Variants in WDR88 observed in about 807,000 individuals in gnomAD.
WDR88 encodes WD repeat domain 88.
In WDR88, 40 loss-of-function variants were observed where a neutral mutation model predicts 46.8. The observed-to-expected ratio is 0.86, with a 90% confidence interval of 0.66 to 1.11. WDR88 has a LOEUF of 1.11. WDR88 is among the 50% of genes most tolerant of loss of function. The pLI is 0.00. For missense variants in WDR88, 562 were observed against 602.4 expected (o/e 0.93, Z 0.70); for synonymous variants, 235 against 240.7 (o/e 0.98, Z 0.22).
intron 10 of WDR88, chr19:33,175,008 G>GT (rs1285558016): frequency 2.9e-5 from 29 of 985,358 alleles, no homozygotes; most frequent in Non-Finnish European, 3.3e-5. Context: ...GCCAAGGTGG[G>GT]TGGATCACTT....
intron 4 of WDR88, among the ~76,000 whole-genome samples, chr19:33,148,010 A>T (rs1301564884): frequency 6.6e-6 from 1 of 151,640 alleles, no homozygotes; most frequent in Non-Finnish European, 1.5e-5. Context: ...AGAAGCCAGA[A>T]TTGGGGGTGG....
chr19:33,159,825 TTAC>T (rs1952877542), intron 7 of WDR88, among the ~76,000 whole-genome samples: 1 of 152,098 alleles, frequency 6.6e-6, no homozygotes, highest in Admixed American at 6.6e-5. Flanking sequence ...TTTATTATTA[TTAC>T]ATTGTAATAT....
rs1973135080 is a variant in WDR88 at position 33,132,117 on chromosome 19, G to A, written c.-53G>A. On this transcript the variant is annotated 5_prime_UTR_variant, in exon 1 of 11. Transcript: ENST00000355868. ...GCGGGCGCGGGCGCGGGCGCGCGGCGCCACCGTTCCCATCCAGGCTTGTCG... is the reference window on the plus strand; with the variant it reads ...GCGGGCGCGGGCGCGGGCGCGCGGCACCACCGTTCCCATCCAGGCTTGTCG... The A allele has an allele frequency of 2.7e-6, 4 of 1,484,758 alleles. No individual in the cohort carries two copies. The highest frequency in any genetic ancestry group is 1.8e-6 in the Non-Finnish European group (2 of 1,123,676). 92.0% of individuals were successfully genotyped at this position (1,484,758 alleles called of 1,614,324 possible).
At chr19:33,164,378 G>C in intron 9 of WDR88, 113 bp downstream of exon 9, 1 of 927,320 alleles carries the variant, frequency 1.1e-6, no homozygotes, top group East Asian at 2.5e-5. Context: ...GTACCTGACC[G>C]GGCCATCGTG....
At position 33,149,890 on chromosome 19, in the gene WDR88, C is replaced by A. The variant is rs1973598069; in HGVS notation, c.679+980C>A. Among the ~76,000 whole-genome samples the A allele has an allele frequency of 2.6e-5, 4 of 151,996 alleles. No homozygotes were observed. The South Asian group carries it at 8.3e-4, about 32-fold the overall frequency. On this transcript the variant is annotated intron_variant, in intron 5 of 10. Transcript: ENST00000355868. The stretch of plus-strand genomic sequence containing the variant: ...GGGCAGGCTGGTCTCGAGCTCCTGA[C>A]CTCAGGTGATCTGCCCGCCTTGGTC...
intron 10 of WDR88, chr19:33,174,711 C>T (rs1262827957): frequency 1.0e-6 from 1 of 985,292 alleles, no homozygotes; most frequent in Non-Finnish European, 1.2e-6. Flanking sequence ...CTCTTAGTCC[C>T]ACAATTTTAC....
intron 8 of WDR88, among the ~76,000 whole-genome samples, chr19:33,162,892 A>T (rs1457922216): frequency 1.3e-5 from 2 of 151,660 alleles, no homozygotes; most frequent in Non-Finnish European, 2.9e-5. Context: ...AAATAAAAAT[A>T]ACTAAATAAA....
chr19:33,139,510 G>A (rs111358126), intron 2 of WDR88, among the ~76,000 whole-genome samples: 215 of 152,258 alleles, frequency 1.4e-3, no homozygotes, highest in Admixed American at 1.8e-3. Flanking sequence ...TTTGGGTAAC[G>A]GGGAAGAGGA....
chr19:33,174,410 C>T (rs1974091226), intron 10 of WDR88: 8 of 1,394,658 alleles, frequency 5.7e-6, no homozygotes, highest in Non-Finnish European at 7.5e-6. Flanking sequence ...AGGCTCTTCT[C>T]CAGGGGACCA....
At chr19:33,142,746 AC>A (rs1304998299) in intron 2 of WDR88, 3 of 149,604 alleles carry the variant, frequency 2.0e-5, no homozygotes, top group African/African-American at 7.4e-5. Context: ...AGTGGCTCAC[AC>A]CTGTAATCCC....
chr19:33,153,007 T>C (rs1973664866), intron 6 of WDR88, among the ~76,000 whole-genome samples: 1 of 152,122 alleles, frequency 6.6e-6, no homozygotes, highest in Non-Finnish European at 1.5e-5. Flanking sequence ...AATGCTGCTA[T>C]GAACACATGT....
intron 8 of WDR88, 48 bp from the exon 9 acceptor site, chr19:33,164,149 T>C (rs895864597): frequency 2.5e-6 from 4 of 1,579,934 alleles, no homozygotes; most frequent in East Asian, 2.2e-5. Context: ...TGTTGTTCTT[T>C]CAAAATTATT....
At chr19:33,174,309 C>A in intron 10 of WDR88, 5 of 1,523,220 alleles carry the variant, frequency 3.3e-6, no homozygotes, top group South Asian at 1.2e-5. Context: ...AGGGTTTACC[C>A]CCCTCTCCAG....
At chr19:33,171,523 T>C (rs563283712) in intron 9 of WDR88, among the ~76,000 whole-genome samples, 25 of 152,250 alleles carry the variant, frequency 1.6e-4, no homozygotes, top group African/African-American at 4.8e-4. Context: ...CATTTTTTTA[T>C]TGCTGCTATA....
intron 1 of WDR88, among the ~76,000 whole-genome samples, chr19:33,132,981 G>A (rs1004075418): frequency 1.3e-5 from 2 of 151,948 alleles, no homozygotes; most frequent in Non-Finnish European, 2.9e-5. Flanking sequence ...GCAACATAGT[G>A]AGAGGTCGTC....
At position 33,137,697 on chromosome 19, in the gene WDR88, T is replaced by C. The variant is rs1206564433; in HGVS notation, c.297T>C (p.Ser99=). 7 of 1,613,778 alleles carry C rather than the reference T, an allele frequency of 4.3e-6. No individual in the cohort carries two copies. The South Asian group carries it at 6.6e-5, about 15-fold the overall frequency. Residue 99 remains serine (S), a synonymous_variant, in exon 2 of 11, where the codon AGT becomes AGC. Coordinates refer to ENST00000355868, the MANE Select transcript of WDR88 (RefSeq NM_173479.4). Reference sequence around the variant, plus strand: ...TTCAGATCCCATTTAAAATTCTGAGTGGGCACGAGCACGCTGTGAGCACCT... The same window carrying C: ...TTCAGATCCCATTTAAAATTCTGAGCGGGCACGAGCACGCTGTGAGCACCT... The part of the protein sequence containing the change: ...PLSKIPFKIL[S]GHEHAVSTCH...
At chr19:33,157,722 TATATATATATATATAA>T (rs1568367783) in intron 7 of WDR88, among the ~76,000 whole-genome samples, 1,362 of 58,674 alleles carry the variant, frequency 0.023, 87 homozygotes, top group African/African-American at 0.079. Context: ...TATATATATA[TATATATATATATATAA>T]AATTAAAGAG....
At chr19:33,157,720 TATATATATATATATATAA>T (rs1568367776) in intron 7 of WDR88, among the ~76,000 whole-genome samples, 879 of 79,238 alleles carry the variant, frequency 0.011, 59 homozygotes, top group African/African-American at 0.073. Flanking sequence ...TATATATATA[TATATATATATATATATAA>T]AATTAAAGAG....
At position 33,137,662 on chromosome 19, in the gene WDR88, C is replaced by G. The variant is rs1973301069; in HGVS notation, c.277-15C>G. 1 of 1,607,788 alleles carries G rather than the reference C, an allele frequency of 6.2e-7. No individual in the cohort carries two copies. The highest frequency in any genetic ancestry group is 8.5e-7 in the Non-Finnish European group (1 of 1,174,874). Reference sequence around the variant, plus strand: ...CTGCAACATGTTTAGCTCATCTGGTCTCTCCTTTTTTCAGATCCCATTTAA... The same window carrying G: ...CTGCAACATGTTTAGCTCATCTGGTGTCTCCTTTTTTCAGATCCCATTTAA... On this transcript the variant is annotated splice_polypyrimidine_tract_variant and intron_variant, in intron 1 of 10. Transcript: ENST00000355868.
Sources: allele counts gnomAD v4.1 joint callset (sites outside exome capture counted in the v4.1 genomes callset), GRCh38; gene constraint gnomAD v4.1.1; transcripts MANE v1.5; gene names NCBI Gene and HGNC (gene_info 2026-07-23, HGNC 2026-07-21).